The following ZNF541 variants were observed in gnomAD, a reference collection of about 807,000 sequenced individuals.
ZNF541 encodes the protein zinc finger protein 541.
In ZNF541, 23 loss-of-function variants were observed where a neutral mutation model predicts 123.5. The observed-to-expected ratio is 0.19, with a 90% CI of 0.13 to 0.26. The LOEUF is 0.26. Among genes scored for constraint, ZNF541 ranks in the 10% least tolerant of loss-of-function variants. The probability of loss-of-function intolerance (pLI) is 1.00; values close to 1 mark genes in which losing one functional copy is unlikely to be tolerated. For synonymous variants in ZNF541, 751 were observed against 754.5 expected (o/e 1.00, Z 0.08); for missense variants, 1,612 against 1,789.9 (o/e 0.90, Z 1.79).
chr19:47,530,200 GCT>G (rs1406931365), intron 12 of ZNF541, among the ~76,000 whole-genome samples: 2 of 146,170 alleles, frequency 1.4e-5, no homozygotes, highest in Non-Finnish European at 3.0e-5. Flanking sequence ...ACAGAGTCTT[GCT>G]CTGTCACCCA....
At chr19:47,568,464 C>T (rs1271559312) in intron 2 of ZNF541, among the ~76,000 whole-genome samples, 1 of 152,154 alleles carries the variant, frequency 6.6e-6, no homozygotes, top group Non-Finnish European at 1.5e-5. Context: ...CCATCTCAGC[C>T]ACCCGAGTAG....
intron 1 of ZNF541, among the ~76,000 whole-genome samples, 28 bp from the exon 2 acceptor site, chr19:47,572,070 G>A (rs1971494897): frequency 2.6e-5 from 4 of 152,178 alleles, no homozygotes; most frequent in Admixed American, 2.0e-4. Flanking sequence ...GAAGGAAGAA[G>A]CAGTCAGGAC....
At chr19:47,567,842 C>T (rs576670994) in intron 2 of ZNF541, among the ~76,000 whole-genome samples, 42 of 152,314 alleles carry the variant, frequency 2.8e-4, no homozygotes, top group Non-Finnish European at 4.9e-4. Context: ...CCTCCAAACT[C>T]AGGCTTAAAT....
chr19:47,524,872 T>C (rs886879761), intron 14 of ZNF541, among the ~76,000 whole-genome samples: 4 of 152,028 alleles, frequency 2.6e-5, no homozygotes, highest in African/African-American at 9.7e-5. Context: ...AGTGAGATCC[T>C]AGATCTTAAA....
At chr19:47,562,174 G>A (rs56403414) in intron 2 of ZNF541, among the ~76,000 whole-genome samples, 18,036 of 152,144 alleles carry the variant, frequency 0.12, 1,213 homozygotes, top group East Asian at 0.23. Flanking sequence ...GCTTGAACTC[G>A]GGAGGTGGAG....
intron 2 of ZNF541, among the ~76,000 whole-genome samples, chr19:47,564,861 A>T: frequency 6.6e-6 from 1 of 152,232 alleles, no homozygotes. Context: ...TTGCACATGC[A>T]TGTTTAGAGC....
chr19:47,538,051 A>T, intron 9 of ZNF541, 91 bp downstream of exon 9: 8 of 1,436,042 alleles, frequency 5.6e-6, no homozygotes, highest in Non-Finnish European at 7.6e-6. Context: ...GCAGGAGACA[A>T]TCACTGAACC....
At chr19:47,547,016 C>T (rs1480941242) in intron 4 of ZNF541, among the ~76,000 whole-genome samples, 5 of 152,162 alleles carry the variant, frequency 3.3e-5, no homozygotes, top group African/African-American at 4.8e-5. Context: ...CCACTGTAGC[C>T]GGCACACAGT....
At chr19:47,538,114 A>G in intron 9 of ZNF541, 28 bp downstream of exon 9, 1 of 1,548,980 alleles carries the variant, frequency 6.5e-7, no homozygotes, top group Non-Finnish European at 8.7e-7. Context: ...CCCTGGGATC[A>G]CAGAGTGAGT....
At chr19:47,555,213 C>CA (rs1397769416) in intron 3 of ZNF541, among the ~76,000 whole-genome samples, 1 of 145,374 alleles carries the variant, frequency 6.9e-6, no homozygotes, top group Non-Finnish European at 1.5e-5. Context: ...ACTAAAAATA[C>CA]AAAAAAATTA....
rs1464873715 is a variant in ZNF541, at chr19:47,573,138, A to AGCG, written c.-304_-302dup. ...GCGCCTGGCGCCTCGCGGGGCTCCC[A>AGCG]GCGGCCTCCCGCCTTCCCCGCGCCG... is the stretch of plus-strand genomic sequence containing the variant. On this transcript the variant is annotated 5_prime_UTR_variant, in exon 1 of 17. Transcript: ENST00000391901. Among the ~76,000 whole-genome samples the AGCG allele has an allele frequency of 6.7e-6, 1 of 149,136 alleles. No homozygotes were observed. The highest frequency in any genetic ancestry group is 2.4e-5 in the African/African-American group (1 of 40,826).
chr19:47,541,808 G>A (rs376032023), intron 5 of ZNF541, among the ~76,000 whole-genome samples: 2 of 152,212 alleles, frequency 1.3e-5, no homozygotes, highest in South Asian at 2.1e-4. Context: ...TACACTGTGG[G>A]TGGGAAGAGG....
rs1363804749 is a variant in ZNF541, at chr19:47,521,848, C to T, written c.3711+6G>A. 3.2e-6 allele frequency: 5 copies of T among 1,551,280 alleles called. No homozygotes were observed. Among genetic ancestry groups the T allele is most frequent in the South Asian group, 1.2e-5 (1 of 84,054 alleles). ...AGAGCTCCCGACACAGCCCTGGTTC[C>T]TCTACCTTTTCCTCTGTCCTTTCCA... On this transcript the variant is annotated splice_donor_region_variant and intron_variant, in intron 15 of 16. Coordinates refer to ENST00000391901, the MANE Select transcript of ZNF541 (RefSeq NM_001277075.3). The surrounding 1 kb of genome is among the most constrained non-coding windows in gnomAD (Gnocchi z 4.2).
chr19:47,534,712 AAC>A (rs1233579021), intron 9 of ZNF541, among the ~76,000 whole-genome samples: 1 of 152,010 alleles, frequency 6.6e-6, no homozygotes, highest in Non-Finnish European at 1.5e-5. Context: ...CAGTAATCAA[AAC>A]AGTGTGATAC....
At chr19:47,565,133 C>A (rs1971212857) in intron 2 of ZNF541, among the ~76,000 whole-genome samples, 1 of 150,208 alleles carries the variant, frequency 6.7e-6, no homozygotes, top group African/African-American at 2.4e-5. Flanking sequence ...AAGAATGATA[C>A]AATGGACTTT....
intron 3 of ZNF541, among the ~76,000 whole-genome samples, chr19:47,555,289 G>A (rs577458851): frequency 1.3e-5 from 2 of 150,758 alleles, no homozygotes; most frequent in African/African-American, 2.4e-5. Flanking sequence ...AGAATGGTGT[G>A]AACCCAGGAG....
rs903915120 is a variant in ZNF541, at chr19:47,568,642, C to G, written c.-99+3254G>C. On this transcript the variant is annotated intron_variant, in intron 2 of 16. Coordinates refer to ENST00000391901, the MANE Select transcript of ZNF541 (RefSeq NM_001277075.3). ...TACAGGTGCAAGCCACTGCACCCGG[C>G]CTGCAATTTCCTTCCTTACTTTCCT... Among the ~76,000 whole-genome samples the G allele has an allele frequency of 2.0e-5, 3 of 152,002 alleles. No homozygotes were observed. The East Asian group carries it at 5.8e-4, about 29-fold the overall frequency.
intron 14 of ZNF541, among the ~76,000 whole-genome samples, chr19:47,526,090 G>T (rs1195095148): frequency 1.3e-5 from 2 of 152,136 alleles, no homozygotes; most frequent in African/African-American, 2.4e-5. Context: ...ATTGTTAAGA[G>T]ATTAAAAAGC....
chr19:47,567,362 A>G (rs1971305779), intron 2 of ZNF541, among the ~76,000 whole-genome samples: 1 of 152,080 alleles, frequency 6.6e-6, no homozygotes, highest in African/African-American at 2.4e-5. Flanking sequence ...GGCTCAAGTG[A>G]TTCTCCTGCC....
Sources: gnomAD v4.1 joint callset for allele counts (sites outside exome capture counted in the v4.1 genomes callset) on GRCh38, gnomAD v4.1.1 for gene constraint, Gnocchi (gnomAD v3.1) non-coding constraint, MANE v1.5 for transcripts, NCBI Gene and HGNC (gene_info 2026-07-23, HGNC 2026-07-21) for gene names.